PKD2L1: variants seen among roughly 807,000 people sequenced by gnomAD.
PKD2L1 encodes the protein polycystin-2-like protein 1.
PKD2L1 carries 77 observed loss-of-function variants against 93.0 expected under a neutral mutation model. That is an observed-to-expected ratio of 0.83 (90% CI 0.69 to 1.00). The LOEUF (loss-of-function observed/expected upper bound fraction) is 1.00, where lower values mean the gene tolerates loss of function less well. Among genes scored for constraint, PKD2L1 ranks in the 50% least tolerant of loss-of-function variants. The probability of loss-of-function intolerance (pLI) is 0.00; values close to 1 mark genes in which losing one functional copy is unlikely to be tolerated. For missense variants in PKD2L1, 977 were observed against 990.9 expected (o/e 0.99, Z 0.19); for synonymous variants, 390 against 388.0 (o/e 1.01, Z -0.06).
chr10:100,291,334 C>G lies in PKD2L1; in HGVS notation c.1974G>C (p.Gln658His). The change falls in exon 12 of 16, where the codon CAG becomes CAC. Residue 658 changes from glutamine (Q) to histidine (H), a missense_variant. Physicochemically the swap from Gln to His is conservative, Grantham distance 24 (BLOSUM62 0). Coordinates refer to ENST00000318222, the MANE Select transcript of PKD2L1 (RefSeq NM_016112.3). ...DGNRILDEKE[Q>H]EKMRQDLEEE... ...CCTCCAGGTCCTGTCGCATTTTTTC[C>G]TGTTCCTTCTCATCCAGAATACGAT... 6.2e-7 allele frequency: 1 copy of G among 1,614,006 alleles called. No homozygotes were observed. Among genetic ancestry groups the G allele is most frequent in the Non-Finnish European group, 8.5e-7 (1 of 1,179,962 alleles).
intron 2 of PKD2L1, among the ~76,000 whole-genome samples, chr10:100,305,706 G>A (rs1366106690): frequency 6.6e-6 from 1 of 152,060 alleles, no homozygotes. Flanking sequence ...GTCATCCGTC[G>A]AGAGCATCAG....
In PKD2L1 at chr10:100,321,755, GA is replaced by G. The variant is rs1564894537; in HGVS notation, c.349+7455del. 2.6e-3 allele frequency among the ~76,000 whole-genome samples: 8 copies of G among 3,108 alleles called. 2 individuals are homozygous for G. Among genetic ancestry groups the G allele is most frequent in the Admixed American group, 6.3e-3 (2 of 316 alleles). 2.0% of individuals were successfully genotyped at this position (3,108 alleles called of 152,430 possible). On this transcript the variant is annotated intron_variant, in intron 2 of 15. Transcript: ENST00000318222. ...AGAAAGAAAGAAAGAAAGAAAGAAAGAAGGGAGGGAGGGAGGGAGGGAGGGA... is the reference window on the plus strand; with the variant it reads ...AGAAAGAAAGAAAGAAAGAAAGAAAGAGGGAGGGAGGGAGGGAGGGAGGGA...
chr10:100,310,318 G>A (rs1234917780), intron 2 of PKD2L1, among the ~76,000 whole-genome samples: 1 of 152,152 alleles, frequency 6.6e-6, no homozygotes, highest in East Asian at 1.9e-4. Flanking sequence ...CAGTCTGGGT[G>A]ACAGAACAAG....
Position 100,299,646 on chromosome 10 carries a change from G to T in PKD2L1, c.422C>A (p.Pro141Gln), listed in dbSNP as rs1848634515. 2.5e-6 allele frequency: 4 copies of T among 1,612,546 alleles called. No homozygotes were observed. In the East Asian group the frequency reaches 6.7e-5, roughly 27 times the overall value. ...KVMSELFLHT[P>Q]SDTGVSFQAI... ...CTGAAAGGAGACTCCAGTGTCTGATGGAGTATGTAAGAAGAGCTCAGACAT... is the reference window on the plus strand; with the variant it reads ...CTGAAAGGAGACTCCAGTGTCTGATTGAGTATGTAAGAAGAGCTCAGACAT... Residue 141 changes from proline to glutamine, a missense_variant, in exon 3 of 16, where the codon CCA becomes CAA. Physicochemically the swap from Pro to Gln is moderately conservative, Grantham distance 76. Coordinates refer to ENST00000318222, the MANE Select transcript of PKD2L1 (RefSeq NM_016112.3).
At chr10:100,313,446 CT>C (rs1848977624) in intron 2 of PKD2L1, among the ~76,000 whole-genome samples, 1 of 152,138 alleles carries the variant, frequency 6.6e-6, no homozygotes. Context: ...CATGCACTGT[CT>C]TAACAAATGA....
intron 15 of PKD2L1, 45 bp from the exon 16 acceptor site, chr10:100,288,523 T>C (rs1209688565): frequency 8.8e-7 from 1 of 1,131,088 alleles, no homozygotes; most frequent in Non-Finnish European, 1.4e-6. Context: ...CAACAAATCT[T>C]GGGATGCACA....
At chr10:100,327,107 T>C (rs528566164) in intron 2 of PKD2L1, among the ~76,000 whole-genome samples, 2 of 152,234 alleles carry the variant, frequency 1.3e-5, no homozygotes, top group South Asian at 4.1e-4. Flanking sequence ...TATCTATGTG[T>C]TTCTCAGTCC....
At chr10:100,302,529 T>C (rs1321598879) in intron 2 of PKD2L1, among the ~76,000 whole-genome samples, 1 of 149,840 alleles carries the variant, frequency 6.7e-6, no homozygotes, top group Non-Finnish European at 1.5e-5. Context: ...AAACCTCATC[T>C]CTACAAAAAA....
In PKD2L1 at chr10:100,293,069, C is replaced by G; in HGVS notation, c.1759G>C (p.Gly587Arg). The G allele has an allele frequency of 6.2e-7, 1 of 1,613,550 alleles. No individual in the cohort carries two copies. The highest frequency in any genetic ancestry group is 8.5e-7 in the Non-Finnish European group (1 of 1,179,752). The change falls in exon 11 of 16, where the codon GGC becomes CGC. Residue 587 changes from glycine (G) to arginine (R), a missense_variant and splice_region_variant. Coordinates refer to ENST00000318222, the MANE Select transcript of PKD2L1 (RefSeq NM_016112.3). ...ELQLSDLLKQ[G>R]YNKTLLRLRL... The stretch of plus-strand genomic sequence containing the variant: ...AGTCTTAGTAGGGTCTTGTTGTAGC[C>G]CTGAAAGGGAAAGGAAATAGGCACA...
chr10:100,317,670 G>A (rs181464711), intron 2 of PKD2L1, among the ~76,000 whole-genome samples: 2 of 152,314 alleles, frequency 1.3e-5, no homozygotes, highest in Non-Finnish European at 2.9e-5. Flanking sequence ...ATGTTATTTT[G>A]GTTGAAGTAT....
intron 2 of PKD2L1, among the ~76,000 whole-genome samples, chr10:100,326,680 A>AT (rs1234633032): frequency 5.3e-5 from 8 of 152,332 alleles, no homozygotes; most frequent in Middle Eastern, 3.4e-3. Context: ...TATGCCAGGC[A>AT]CTGAGTTGAT....
In PKD2L1 at chr10:100,298,796, A is replaced by C. The variant is rs753921129; in HGVS notation, c.497T>G (p.Leu166Arg). 6.2e-7 allele frequency: 1 copy of C among 1,612,948 alleles called. No individual in the cohort carries two copies. Among genetic ancestry groups the C allele is most frequent in the South Asian group, 1.1e-5 (1 of 91,028 alleles). ...DFWDFAQGPL[L>R]DSLYWTKWYN... ...CCATTTGGTCCAATACAAACTGTCC[A>C]GTAGTGGGCCCTGGGCAAACTGAAC... Residue 166 changes from leucine to arginine, a missense_variant, in exon 4 of 16, where the codon CTG becomes CGG. By Grantham distance (102) the Leu-to-Arg change is moderately radical. Transcript: ENST00000318222.
At chr10:100,299,330 T>G (rs2134384983) in intron 3 of PKD2L1, among the ~76,000 whole-genome samples, 1 of 152,310 alleles carries the variant, frequency 6.6e-6, no homozygotes, top group African/African-American at 2.4e-5. Context: ...ACTCTTTATT[T>G]AAAATTCGTT....
At chr10:100,291,023 T>C (rs1848394103) in intron 12 of PKD2L1, among the ~76,000 whole-genome samples, 1 of 152,232 alleles carries the variant, frequency 6.6e-6, no homozygotes, top group Admixed American at 6.5e-5. Flanking sequence ...CTTGGCTATG[T>C]ATTGGAATCA....
At chr10:100,310,248 T>G (rs542799384) in intron 2 of PKD2L1, among the ~76,000 whole-genome samples, 1 of 151,732 alleles carries the variant, frequency 6.6e-6, no homozygotes, top group East Asian at 1.9e-4. Context: ...GGCAGGAGGG[T>G]GCTTGAGCCC....
chr10:100,296,394 G>A, intron 6 of PKD2L1, 102 bp from the exon 7 acceptor site: 2 of 933,330 alleles, frequency 2.1e-6, no homozygotes, highest in African/African-American at 1.7e-5. Flanking sequence ...TAAGACAGGT[G>A]GGAAAAAAGC....
At chr10:100,293,535 C>T (rs1848454292) in intron 9 of PKD2L1, among the ~76,000 whole-genome samples, 156 bp from the exon 10 acceptor site, 1 of 152,202 alleles carries the variant, frequency 6.6e-6, no homozygotes, top group African/African-American at 2.4e-5. Flanking sequence ...TCAGGGTCCC[C>T]AGAGCCCAGC....
At chr10:100,301,090 C>T (rs866820728) in intron 2 of PKD2L1, among the ~76,000 whole-genome samples, 1 of 152,060 alleles carries the variant, frequency 6.6e-6, no homozygotes, top group Non-Finnish European at 1.5e-5. Flanking sequence ...CCCCCTGAGC[C>T]GTAAAACCAG....
At chr10:100,290,667 A>G (rs543121616) in intron 12 of PKD2L1, 148 bp from the exon 13 acceptor site, 7 of 610,528 alleles carry the variant, frequency 1.1e-5, no homozygotes, top group South Asian at 2.0e-5. Context: ...TCTGGAGACA[A>G]TAGGGTCAGG....
Sources: allele counts gnomAD v4.1 joint callset (sites outside exome capture counted in the v4.1 genomes callset), GRCh38; gene constraint gnomAD v4.1.1; transcripts MANE v1.5; gene names NCBI Gene and HGNC (gene_info 2026-07-23, HGNC 2026-07-21).